Variants in ZNF814 observed in about 807,000 individuals in gnomAD.
ZNF814 encodes the protein zinc finger protein 814.
In ZNF814, 5 loss-of-function variants were observed where a neutral mutation model predicts 7.5. The observed-to-expected ratio is 0.67, with a 90% CI of 0.35 to 1.40. The LOEUF is 1.40. Among genes scored for constraint, ZNF814 ranks in the 40% most tolerant of loss-of-function variants. ZNF814 has a pLI of 0.04. For synonymous variants in ZNF814, 315 were observed against 340.7 expected (o/e 0.92, Z 0.83); for missense variants, 962 against 1,018.0 (o/e 0.94, Z 0.75).
chr19:57,888,683 G>A, intron 1 of ZNF814, 84 bp downstream of exon 1: 6 of 1,513,030 alleles, frequency 4.0e-6, no homozygotes, highest in South Asian at 1.2e-5. Context: ...CGTCCGGGCT[G>A]CAGAGCCGTG....
chr19:57,883,660 CAA>C (rs112035326), intron 1 of ZNF814, among the ~76,000 whole-genome samples: 5,582 of 129,382 alleles, frequency 0.043, 318 homozygotes, highest in African/African-American at 0.14. Context: ...GACCCTGTCT[CAA>C]AAAAAAAAAA....
At chr19:57,889,064 C>A (rs2071717668), upstream of ZNF814, 4 of 533,560 alleles carry the variant, frequency 7.5e-6, no homozygotes, top group Non-Finnish European at 6.7e-6. Context: ...CGCCGGAAGT[C>A]CGGACCCATT....
chr19:57,899,810 C>T, the ZNF814 span, among the ~76,000 whole-genome samples: 1 of 152,188 alleles, frequency 6.6e-6, no homozygotes, highest in South Asian at 2.1e-4. Flanking sequence ...CCTCACAATA[C>T]AACCAAAACG....
At chr19:57,897,449 A>G in the ZNF814 span, among the ~76,000 whole-genome samples, 1 of 152,226 alleles carries the variant, frequency 6.6e-6, no homozygotes, top group African/African-American at 2.4e-5. Context: ...TCAACAGAAA[A>G]GTCCCGATGT....
the ZNF814 span, among the ~76,000 whole-genome samples, chr19:57,905,047 CAAAAA>C: frequency 1.9e-5 from 1 of 53,432 alleles, no homozygotes; most frequent in Non-Finnish European, 3.3e-5. Flanking sequence ...AACTCCGTCT[CAAAAA>C]AAAAAAAAAA....
chr19:57,900,839 ATTTTTTTTT>A, the ZNF814 span, among the ~76,000 whole-genome samples: 12 of 45,774 alleles, frequency 2.6e-4, no homozygotes, highest in Middle Eastern at 0.024. Flanking sequence ...CCATGGCTGC[ATTTTTTTTT>A]TTTTTTTTTT....
At chr19:57,901,050 G>GTGTTGGCCAGGA in the ZNF814 span, among the ~76,000 whole-genome samples, 2 of 150,962 alleles carry the variant, frequency 1.3e-5, no homozygotes, top group Non-Finnish European at 3.0e-5. Context: ...GGGTTTCACC[G>GTGTTGGCCAGGA]TGGTCTTGAT....
Position 57,873,718 on chromosome 19 carries a change from T to G in ZNF814, c.1672A>C (p.Ser558Arg). The G allele has an allele frequency of 6.2e-7, 1 of 1,613,534 alleles. No homozygotes were observed. Among genetic ancestry groups the G allele is most frequent in the African/African-American group, 1.3e-5 (1 of 75,004 alleles). The change falls in exon 3 of 3, where the codon AGT becomes CGT. Residue 558 changes from serine to arginine, a missense_variant. Ser to Arg is a moderately radical substitution (Grantham distance 110). Around this residue, in one of 7 missense-constraint regions of ZNF814, gnomAD observed 665 missense variants for 551.4 expected, o/e 1.21. Coordinates refer to ENST00000435989, the MANE Select transcript of ZNF814 (RefSeq NM_001144989.2). ...YECGECGKSF[S>R]HKGTLILHQR... ...TGTAGAATGAGGGTGCCTTTATGAC[T>G]AAAAGATTTCCCACACTCTCCACAC... is the stretch of plus-strand genomic sequence containing the variant.
At chr19:57,902,343 A>T in the ZNF814 span, among the ~76,000 whole-genome samples, 1 of 152,212 alleles carries the variant, frequency 6.6e-6, no homozygotes, top group Non-Finnish European at 1.5e-5. Flanking sequence ...TTCTTATAAA[A>T]TAAGCTGATG....
chr19:57,878,196 T>G (rs1162894117), intron 1 of ZNF814, among the ~76,000 whole-genome samples: 1 of 142,868 alleles, frequency 7.0e-6, no homozygotes. Flanking sequence ...AAATCAAATA[T>G]ATTAACAGCC....
At chr19:57,893,487 A>G (rs1440714170), upstream of ZNF814, among the ~76,000 whole-genome samples, 1 of 151,508 alleles carries the variant, frequency 6.6e-6, no homozygotes, top group Non-Finnish European at 1.5e-5. Flanking sequence ...ATTTCCTACC[A>G]GTCAGTTGGC....
chr19:57,873,980 C>T lies in ZNF814; in HGVS notation c.1410G>A (p.Val470=). 1 of 1,613,970 alleles carries T rather than the reference C, an allele frequency of 6.2e-7. No individual in the cohort carries two copies. The highest frequency in any genetic ancestry group is 8.5e-7 in the Non-Finnish European group (1 of 1,179,912). Residue 470 remains valine (V), a synonymous_variant, in exon 3 of 3, where the codon GTG becomes GTA. Coordinates refer to ENST00000435989, the MANE Select transcript of ZNF814 (RefSeq NM_001144989.2). ...GGCTGCGCTTATGACTGAAAGATTT[C>T]ACACATTCTCCACACTTGAAAGGTC... ...GERPFKCGEC[V]KSFSHKRSLV...
chr19:57,898,756 CACAG>C, the ZNF814 span, among the ~76,000 whole-genome samples: 3 of 152,208 alleles, frequency 2.0e-5, no homozygotes, highest in East Asian at 5.8e-4. Flanking sequence ...TCCTGGCTAA[CACAG>C]TGAAACCCTG....
chr19:57,876,018 T>C (rs984639232), intron 2 of ZNF814, among the ~76,000 whole-genome samples: 4 of 130,410 alleles, frequency 3.1e-5, no homozygotes, highest in African/African-American at 1.2e-4. Flanking sequence ...TGGAGTGCAG[T>C]GGTGCGATCT....
At chr19:57,887,569 T>C (rs560921540) in intron 1 of ZNF814, among the ~76,000 whole-genome samples, 1 of 152,322 alleles carries the variant, frequency 6.6e-6, no homozygotes, top group African/African-American at 2.4e-5. Flanking sequence ...TTTGCTCTCT[T>C]AATCACCTAG....
At chr19:57,889,254 G>A (rs552697793), upstream of ZNF814, among the ~76,000 whole-genome samples, 4 of 152,296 alleles carry the variant, frequency 2.6e-5, no homozygotes, top group South Asian at 2.1e-4. Flanking sequence ...TCCTTAAGAT[G>A]TGCGTCCTGA....
intron 1 of ZNF814, chr19:57,885,789 CAA>C (rs1028419078): frequency 1.3e-4 from 20 of 151,148 alleles, no homozygotes; most frequent in African/African-American, 4.6e-4. Context: ...TTTTAAATAA[CAA>C]AAAGAGTATA....
At chr19:57,894,467 C>T in the ZNF814 span, among the ~76,000 whole-genome samples, 3 of 151,560 alleles carry the variant, frequency 2.0e-5, no homozygotes, top group Admixed American at 2.0e-4. Flanking sequence ...TGAAACAAAA[C>T]AGCAAGGAGA....
At chr19:57,886,198 T>C (rs1308240346) in intron 1 of ZNF814, among the ~76,000 whole-genome samples, 1 of 152,102 alleles carries the variant, frequency 6.6e-6, no homozygotes, top group South Asian at 2.1e-4. Context: ...AAAATGCTTC[T>C]AAGTGCTTGG....
Sources: allele counts gnomAD v4.1 joint callset (sites outside exome capture counted in the v4.1 genomes callset), GRCh38; gene constraint gnomAD v4.1.1; regional missense constraint gnomAD v4.1.1; transcripts MANE v1.5; gene names NCBI Gene and HGNC (gene_info 2026-07-23, HGNC 2026-07-21).